The following LPO variants were observed in gnomAD, a reference collection of about 807,000 sequenced individuals.
The protein encoded by LPO is salivary peroxidase.
In LPO, 70 loss-of-function variants were observed where a neutral mutation model predicts 68.4. That is an observed-to-expected ratio of 1.02 (90% confidence interval 0.84 to 1.25). LPO has a LOEUF of 1.25. Among genes scored for constraint, LPO ranks in the 50% most tolerant of loss-of-function variants. LPO has a pLI of 0.00. For missense variants in LPO, 873 were observed against 908.4 expected (o/e 0.96, Z 0.50); for synonymous variants, 360 against 357.6 (o/e 1.01, Z -0.08).
intron 2 of LPO, chr17:58,243,650 G>C (rs1159009877): frequency 2.8e-6 from 1 of 353,140 alleles, no homozygotes; most frequent in Non-Finnish European, 5.3e-6. Context: ...TGATGAACTT[G>C]AGATAGTCCA....
Position 58,267,767 on chromosome 17 carries a change from C to T in LPO, c.1932-20C>T, listed in dbSNP as rs1970300528. On this transcript the variant is annotated intron_variant, in intron 12 of 12. Transcript: ENST00000262290. Reference sequence around the variant, plus strand: ...GGCCAGCGGCCAGACTGTGGAGTGACTCTACTTCTGTCTCTGCAGGTTCTG... The same window carrying T: ...GGCCAGCGGCCAGACTGTGGAGTGATTCTACTTCTGTCTCTGCAGGTTCTG... The T allele has an allele frequency of 1.2e-6, 2 of 1,609,944 alleles. No individual in the cohort carries two copies. Among genetic ancestry groups the T allele is most frequent in the Non-Finnish European group, 1.7e-6 (2 of 1,176,400 alleles).
At chr17:58,245,495 C>T (rs755087694) in intron 3 of LPO, among the ~76,000 whole-genome samples, 1 of 152,078 alleles carries the variant, frequency 6.6e-6, no homozygotes, top group Non-Finnish European at 1.5e-5. Flanking sequence ...AGCATCGGGC[C>T]CACTCCTTCA....
In LPO at chr17:58,263,476, C is replaced by T. The variant is rs1229829392; in HGVS notation, c.1267-1246C>T. The stretch of plus-strand genomic sequence containing the variant: ...ATTTTAGGCCAGGCACAGTGGCTCA[C>T]GCCTGTAATTCCAGCAATTTGGGAG... On this transcript the variant is annotated intron_variant, in intron 9 of 12. Coordinates refer to ENST00000262290, the MANE Select transcript of LPO (RefSeq NM_006151.3). Among the ~76,000 whole-genome samples, 5 of 152,176 alleles carry T rather than the reference C, an allele frequency of 3.3e-5. No individual in the cohort carries two copies. In the East Asian group the frequency reaches 9.6e-4, roughly 29 times the overall value.
intron 3 of LPO, chr17:58,244,393 T>C (rs1969815898): frequency 2.7e-6 from 1 of 367,450 alleles, no homozygotes; most frequent in South Asian, 5.4e-5. Flanking sequence ...CCAGAAAGCC[T>C]CTCAGTAAAA....
intron 9 of LPO, among the ~76,000 whole-genome samples, chr17:58,263,366 T>C (rs911381716): frequency 2.0e-5 from 3 of 152,222 alleles, no homozygotes; most frequent in African/African-American, 7.2e-5. Flanking sequence ...CATTTCTGGC[T>C]CTTGGTATTA....
intron 1 of LPO, among the ~76,000 whole-genome samples, chr17:58,241,910 G>T (rs1969766668): frequency 6.6e-6 from 1 of 152,210 alleles, no homozygotes; most frequent in Admixed American, 6.5e-5. Context: ...GGGGAAGTCT[G>T]TCAGGCAAAG....
chr17:58,241,020 T>C (rs142703385), intron 1 of LPO, among the ~76,000 whole-genome samples: 2 of 152,244 alleles, frequency 1.3e-5, no homozygotes, highest in East Asian at 3.9e-4. Flanking sequence ...TTGTGCAACA[T>C]GTGAATATAC....
chr17:58,267,896 C>T lies in LPO; in HGVS notation c.2041C>T (p.Arg681Trp), dbSNP rs758025295. Residue 681 changes from arginine to tryptophan, a missense_variant, in exon 13 of 13, where the codon CGG (arginine) becomes TGG (tryptophan). Arg to Trp is a moderately radical substitution (Grantham distance 101). Transcript: ENST00000262290. ...CDNTRITKVP[R>W]DPFWANSYPY... ...CAACACCCGCATCACCAAGGTCCCACGGGACCCATTCTGGGCCAACAGCTA... is the reference window on the plus strand; with the variant it reads ...CAACACCCGCATCACCAAGGTCCCATGGGACCCATTCTGGGCCAACAGCTA... 24 of 1,614,034 alleles carry T rather than the reference C, an allele frequency of 1.5e-5. No homozygotes were observed. The highest frequency in any genetic ancestry group is 4.5e-5 in the East Asian group (2 of 44,894).
intron 9 of LPO, among the ~76,000 whole-genome samples, chr17:58,261,039 C>G (rs998947498): frequency 6.6e-6 from 1 of 151,982 alleles, no homozygotes; most frequent in Non-Finnish European, 1.5e-5. Context: ...GTTTTATAAC[C>G]CTGCTGTGGA....
chr17:58,248,232 C>T (rs1969888316), intron 4 of LPO, among the ~76,000 whole-genome samples: 1 of 152,202 alleles, frequency 6.6e-6, no homozygotes, highest in Non-Finnish European at 1.5e-5. Context: ...GAAAAGGCTG[C>T]AGGTTCTCCC....
Position 58,242,394 on chromosome 17 carries a change from G to A in LPO, c.-2-584G>A, listed in dbSNP as rs186069143. Among the ~76,000 whole-genome samples the A allele has an allele frequency of 4.6e-3, 697 of 152,338 alleles. 9 individuals carry two copies. The highest frequency in any genetic ancestry group is 8.2e-3 in the Admixed American group (126 of 15,310). On this transcript the variant is annotated intron_variant, in intron 1 of 12. Transcript: ENST00000262290. ...TCAAGTTGGCACTTTGAGGGAAGGG[G>A]AAGCCCCTGCCAGGTTTCCGAAGGG...
chr17:58,252,205 G>A lies in LPO; in HGVS notation c.804G>A (p.Ala268=), dbSNP rs755813902. 9.3e-6 allele frequency: 15 copies of A among 1,613,932 alleles called. No individual in the cohort carries two copies. Among genetic ancestry groups the A allele is most frequent in the African/African-American group, 8.0e-5 (6 of 74,856 alleles). The change falls in exon 8 of 13, where the codon GCG becomes GCA. Residue 268 remains alanine, a synonymous_variant. Coordinates refer to ENST00000262290, the MANE Select transcript of LPO (RefSeq NM_006151.3). Reference sequence around the variant, plus strand: ...AGTTCCCACCCAATGACCCCAAGGCGGGGACTCAAGGGAAATGCATGCCTT... The same window carrying A: ...AGTTCCCACCCAATGACCCCAAGGCAGGGACTCAAGGGAAATGCATGCCTT... ...PIMFPPNDPK[A]GTQGKCMPFF...
chr17:58,267,704 C>A (rs1024870303), intron 12 of LPO, 83 bp from the exon 13 acceptor site: 1 of 1,487,868 alleles, frequency 6.7e-7, no homozygotes, highest in South Asian at 1.2e-5. Context: ...TTCATGGTCC[C>A]TGTGACCCTT....
intron 9 of LPO, among the ~76,000 whole-genome samples, chr17:58,258,761 T>C (rs1371240967): frequency 6.6e-6 from 1 of 152,252 alleles, no homozygotes; most frequent in Non-Finnish European, 1.5e-5. Context: ...TTTTGTTTTA[T>C]CCTTTCTGAT....
rs1357521841 is a variant in LPO at position 58,264,746 on chromosome 17, C to A, written c.1291C>A (p.Pro431Thr). 2.5e-6 allele frequency: 4 copies of A among 1,614,022 alleles called. No homozygotes were observed. Among genetic ancestry groups the A allele is most frequent in the Non-Finnish European group, 3.4e-6 (4 of 1,180,000 alleles). The change falls in exon 10 of 13, where the codon CCC becomes ACC. Residue 431 changes from proline (P) to threonine (T), a missense_variant. Coordinates refer to ENST00000262290, the MANE Select transcript of LPO (RefSeq NM_006151.3). Reference protein sequence around the residue: ...VQIITFRDYLPILLGDHMQKW... With the variant: ...VQIITFRDYLTILLGDHMQKW... ...GATTATCACCTTTAGGGACTACCTA[C>A]CCATTTTGCTAGGTGACCACATGCA...
chr17:58,247,292 TTTTTAA>T (rs1969868911), intron 3 of LPO, among the ~76,000 whole-genome samples, 180 bp from the exon 4 acceptor site: 1 of 152,204 alleles, frequency 6.6e-6, no homozygotes, highest in Non-Finnish European at 1.5e-5. Context: ...AGGAACTGAA[TTTTTAA>T]TTTTAATTTT....
At chr17:58,253,922 G>A (rs947209963) in intron 8 of LPO, among the ~76,000 whole-genome samples, 4 of 152,072 alleles carry the variant, frequency 2.6e-5, no homozygotes, top group African/African-American at 9.7e-5. Context: ...AACAGCCTGG[G>A]CAACATAGCA....
chr17:58,249,665 G>T lies in LPO; in HGVS notation c.543G>T (p.Gly181=). The change falls in exon 6 of 13, where the codon GGG becomes GGT. Residue 181 remains glycine (G), a synonymous_variant. Transcript: ENST00000262290. The stretch of plus-strand genomic sequence containing the variant: ...CCCTGCCCTTCGGCTGGACGCCGGG[G>T]AAGACGCGCAACGGCTTCCCTCTCC... ...GLSLPFGWTP[G]KTRNGFPLPL... The T allele has an allele frequency of 6.3e-7, 1 of 1,585,194 alleles. No individual in the cohort carries two copies.
intron 10 of LPO, among the ~76,000 whole-genome samples, chr17:58,265,461 A>G (rs950754243): frequency 2.6e-5 from 4 of 152,130 alleles, no homozygotes; most frequent in African/African-American, 9.7e-5. Context: ...AAAGCCTAGC[A>G]AGTCAAGGAC....
Sources: gnomAD v4.1 joint callset for allele counts (sites outside exome capture counted in the v4.1 genomes callset) on GRCh38, gnomAD v4.1.1 for gene constraint, MANE v1.5 for transcripts, NCBI Gene and HGNC (gene_info 2026-07-23, HGNC 2026-07-21) for gene names.